RNF152: variants seen among roughly 807,000 people sequenced by gnomAD.
RNF152 encodes ring finger protein 152.
A neutral mutation model predicts 12.7 loss-of-function variants in RNF152; 11 were observed. The observed-to-expected ratio is 0.86, with a 90% CI of 0.54 to 1.43. The LOEUF is 1.43. RNF152 is among the 40% of genes most tolerant of loss of function. The probability of loss-of-function intolerance (pLI) is 0.00; values close to 1 mark genes in which losing one functional copy is unlikely to be tolerated. For synonymous variants in RNF152, 113 were observed against 120.3 expected (o/e 0.94, Z 0.40); for missense variants, 255 against 274.8 (o/e 0.93, Z 0.51).
chr18:61,837,116 C>T (rs77258967), intron 1 of RNF152, among the ~76,000 whole-genome samples: 14,797 of 152,198 alleles, frequency 0.097, 713 homozygotes, highest in Middle Eastern at 0.12. Flanking sequence ...TGAAGTATCA[C>T]GCCTAAATGT....
chr18:61,871,987 A>C (rs928658615), intron 1 of RNF152, among the ~76,000 whole-genome samples: 2 of 152,188 alleles, frequency 1.3e-5, no homozygotes, highest in African/African-American at 4.8e-5. Context: ...TGGGTAATTT[A>C]TAAAGAAAAG....
chr18:61,849,407 T>C (rs1453365514), intron 1 of RNF152, among the ~76,000 whole-genome samples: 1 of 152,198 alleles, frequency 6.6e-6, no homozygotes, highest in Non-Finnish European at 1.5e-5. Context: ...ATGTCAAAAG[T>C]GTCACAGGTG....
chr18:61,853,120 T>A (rs1251467045), intron 1 of RNF152, among the ~76,000 whole-genome samples: 1 of 152,164 alleles, frequency 6.6e-6, no homozygotes, highest in Non-Finnish European at 1.5e-5. Context: ...AGTTTATTAG[T>A]TTCCTACTGC....
chr18:61,836,783 A>G (rs1226592888), intron 1 of RNF152, among the ~76,000 whole-genome samples: 1 of 152,188 alleles, frequency 6.6e-6, no homozygotes, highest in Non-Finnish European at 1.5e-5. Context: ...ATACAGAAAA[A>G]GAAGGGGAAA....
At chr18:61,841,633 C>T (rs1011466829) in intron 1 of RNF152, among the ~76,000 whole-genome samples, 8 of 152,152 alleles carry the variant, frequency 5.3e-5, no homozygotes, top group Middle Eastern at 3.2e-3. Context: ...AACCCCTCTA[C>T]CTCTGAGTGG....
intron 1 of RNF152, among the ~76,000 whole-genome samples, chr18:61,879,170 G>T (rs979943980): frequency 1.3e-5 from 2 of 152,062 alleles, no homozygotes; most frequent in Non-Finnish European, 2.9e-5. Flanking sequence ...AATACTAAAT[G>T]GTTACCTCCA....
intron 1 of RNF152, among the ~76,000 whole-genome samples, chr18:61,824,830 G>T (rs563698855): frequency 1.1e-4 from 16 of 152,160 alleles, no homozygotes; most frequent in African/African-American, 3.9e-4. Flanking sequence ...TAATCACTCA[G>T]TGACAGTCAA....
intron 1 of RNF152, among the ~76,000 whole-genome samples, chr18:61,859,405 C>T (rs975546511): frequency 3.3e-5 from 5 of 152,176 alleles, no homozygotes; most frequent in African/African-American, 7.2e-5. Context: ...CCAACACATG[C>T]GTCAGAGACA....
chr18:61,875,732 T>A (rs1281259913), intron 1 of RNF152, among the ~76,000 whole-genome samples: 1 of 152,174 alleles, frequency 6.6e-6, no homozygotes, highest in African/African-American at 2.4e-5. Context: ...ACTCATTCAA[T>A]TAATCTCCAA....
intron 1 of RNF152, among the ~76,000 whole-genome samples, chr18:61,829,582 GAGAGAGAGAGAT>G (rs1300596499): frequency 7.4e-6 from 1 of 134,910 alleles, no homozygotes; most frequent in Non-Finnish European, 1.7e-5. Flanking sequence ...GGGAAGGAGA[GAGAGAGAGAGAT>G]AAGGAGAGAG....
chr18:61,850,195 C>A (rs1265207229), intron 1 of RNF152, among the ~76,000 whole-genome samples: 1 of 152,198 alleles, frequency 6.6e-6, no homozygotes, highest in Non-Finnish European at 1.5e-5. Context: ...AGTTATCTAA[C>A]CTTGTTATTC....
chr18:61,827,741 GA>G (rs1909737659), intron 1 of RNF152, among the ~76,000 whole-genome samples: 1 of 152,156 alleles, frequency 6.6e-6, no homozygotes, highest in Non-Finnish European at 1.5e-5. Flanking sequence ...AAGTTGCAAA[GA>G]ATTCCTAAAG....
At chr18:61,838,787 A>G (rs1910304446) in intron 1 of RNF152, among the ~76,000 whole-genome samples, 1 of 152,104 alleles carries the variant, frequency 6.6e-6, no homozygotes, top group Non-Finnish European at 1.5e-5. Flanking sequence ...CAGATCTATC[A>G]AAGTCTTCAC....
chr18:61,855,857 G>A (rs1911206907), intron 1 of RNF152, among the ~76,000 whole-genome samples: 1 of 152,200 alleles, frequency 6.6e-6, no homozygotes, highest in Admixed American at 6.5e-5. Context: ...TTTCCGGCTG[G>A]TGACTCCCAG....
chr18:61,858,594 T>C (rs1055773002), intron 1 of RNF152, among the ~76,000 whole-genome samples: 2 of 152,086 alleles, frequency 1.3e-5, no homozygotes, highest in Non-Finnish European at 2.9e-5. Flanking sequence ...CTTCCCCCAG[T>C]GGTCGACTTC....
At chr18:61,860,134 C>CT (rs1307751334) in intron 1 of RNF152, among the ~76,000 whole-genome samples, 9 of 152,090 alleles carry the variant, frequency 5.9e-5, no homozygotes, top group African/African-American at 1.9e-4. Context: ...GCACGAGAAG[C>CT]TGGGGAAGGG....
intron 1 of RNF152, among the ~76,000 whole-genome samples, chr18:61,867,054 G>A (rs1911764869): frequency 6.6e-6 from 1 of 152,166 alleles, no homozygotes; most frequent in Admixed American, 6.5e-5. Flanking sequence ...GCAATCAAGT[G>A]AGAGGAGAAC....
intron 1 of RNF152, among the ~76,000 whole-genome samples, chr18:61,848,857 A>G (rs1296818905): frequency 6.6e-6 from 1 of 152,204 alleles, no homozygotes; most frequent in African/African-American, 2.4e-5. Context: ...GCCTAACCCA[A>G]CATGAAGCCA....
At chr18:61,879,825 T>C (rs1393293993) in intron 1 of RNF152, among the ~76,000 whole-genome samples, 1 of 151,610 alleles carries the variant, frequency 6.6e-6, no homozygotes, top group African/African-American at 2.4e-5. Flanking sequence ...ATTAGCCAGG[T>C]GTGGTGGCGC....
Sources: gnomAD v4.1 joint callset for allele counts (sites outside exome capture counted in the v4.1 genomes callset) on GRCh38, gnomAD v4.1.1 for gene constraint, MANE v1.5 for transcripts, NCBI Gene and HGNC (gene_info 2026-07-23, HGNC 2026-07-21) for gene names.